The following DTHD1 variants were observed in gnomAD, a reference collection of about 807,000 sequenced individuals.
The protein encoded by DTHD1 is death domain containing 1.
A neutral mutation model predicts 74.8 loss-of-function variants in DTHD1; 59 were observed. The ratio of observed to expected loss-of-function variants is 0.79; its 90% CI spans 0.64 to 0.98. DTHD1 has a LOEUF of 0.98. Among genes scored for constraint, DTHD1 ranks in the 50% least tolerant of loss-of-function variants. The pLI, the probability that DTHD1 is intolerant of heterozygous loss-of-function variation, is 0.00. For missense variants in DTHD1, 1,051 were observed against 1,065.4 expected (o/e 0.99, Z 0.19); for synonymous variants, 365 against 371.1 (o/e 0.98, Z 0.19).
In DTHD1 at chr4:36,293,566, T is replaced by C. The variant is rs1438592173; in HGVS notation, c.1259T>C (p.Phe420Ser). Reference sequence around the variant, plus strand: ...GTAAAAGTTTACAAATTGGGTATCTTTTCTGTTGTGTCTTGTTTAAAGAAA... The same window carrying C: ...GTAAAAGTTTACAAATTGGGTATCTCTTCTGTTGTGTCTTGTTTAAAGAAA... ...ASVKVYKLGI[F>S]SVVSCLKKES... Residue 420 changes from phenylalanine to serine, a missense_variant, in exon 4 of 10, where the codon TTT (phenylalanine) becomes TCT (serine). By Grantham distance (155) the Phe-to-Ser change is radical. Coordinates refer to ENST00000639862, the MANE Select transcript of DTHD1 (RefSeq NM_001170700.3). 1 of 1,548,446 alleles carries C rather than the reference T, an allele frequency of 6.5e-7. No individual in the cohort carries two copies. Among genetic ancestry groups the C allele is most frequent in the Admixed American group, 2.0e-5 (1 of 50,830 alleles).
chr4:36,334,563 T>C (rs951425177), intron 8 of DTHD1, among the ~76,000 whole-genome samples: 3 of 152,094 alleles, frequency 2.0e-5, no homozygotes, highest in African/African-American at 7.2e-5. Flanking sequence ...TTTCACCATC[T>C]TGGCCAGGCT....
At chr4:36,323,329 T>C (rs1276246837) in intron 8 of DTHD1, among the ~76,000 whole-genome samples, 2 of 152,198 alleles carry the variant, frequency 1.3e-5, no homozygotes, top group Non-Finnish European at 2.9e-5. Flanking sequence ...GAATCGCCAC[T>C]TTCACCACTT....
At chr4:36,294,169 CTA>C (rs1756254092) in intron 4 of DTHD1, among the ~76,000 whole-genome samples, 1 of 151,934 alleles carries the variant, frequency 6.6e-6, no homozygotes, top group South Asian at 2.1e-4. Flanking sequence ...TACGCAAACA[CTA>C]TTTGCAAAGG....
At chr4:36,321,054 T>G (rs952739344) in intron 8 of DTHD1, among the ~76,000 whole-genome samples, 1 of 152,250 alleles carries the variant, frequency 6.6e-6, no homozygotes, top group African/African-American at 2.4e-5. Flanking sequence ...CTTGTGAGGA[T>G]CTCTGCGTCT....
rs1291149455 is a variant in DTHD1, at chr4:36,284,195, C to A, written c.491C>A (p.Thr164Lys). The A allele has an allele frequency of 1.2e-5, 19 of 1,537,030 alleles. No homozygotes were observed. In the East Asian group the frequency reaches 3.4e-4, roughly 28 times the overall value. The change falls in exon 2 of 10, where the codon ACA becomes AAA. Residue 164 changes from threonine (T) to lysine (K), a missense_variant. By Grantham distance (78) the Thr-to-Lys change is moderately conservative. Transcript: ENST00000639862. ...NVIETATVSPTNGEESHYTNQ... is the reference protein window; with the variant it reads ...NVIETATVSPKNGEESHYTNQ... ...ATAGAAACAGCTACTGTTTCTCCCA[C>A]AAATGGAGAGGAAAGTCATTACACA...
At chr4:36,296,841 TA>T (rs1359547966) in intron 5 of DTHD1, among the ~76,000 whole-genome samples, 1 of 151,958 alleles carries the variant, frequency 6.6e-6, no homozygotes, top group Non-Finnish European at 1.5e-5. Context: ...GCAGGGGGAT[TA>T]GGGGTGCCAA....
rs73117684 is a variant in DTHD1, at chr4:36,305,684, G to C, written c.1644-507G>C. ...GCCCATGGTCATACAGTTCATAAGA[G>C]GCAGAGTCACCCAGGCTTTGAAACT... On this transcript the variant is annotated intron_variant, in intron 5 of 9. Coordinates refer to ENST00000639862, the MANE Select transcript of DTHD1 (RefSeq NM_001170700.3). Among the ~76,000 whole-genome samples, 901 of 152,240 alleles carry C rather than the reference G, an allele frequency of 5.9e-3. 3 individuals are homozygous for C. The highest frequency in any genetic ancestry group is 0.021 in the African/African-American group (860 of 41,538).
At chr4:36,291,870 A>G (rs1451806490) in intron 3 of DTHD1, among the ~76,000 whole-genome samples, 1 of 152,170 alleles carries the variant, frequency 6.6e-6, no homozygotes, top group Non-Finnish European at 1.5e-5. Flanking sequence ...GTTTATGGAG[A>G]CTAATACTTA....
At chr4:36,290,334 C>A in intron 2 of DTHD1, 39 bp from the exon 3 acceptor site, 2 of 1,506,884 alleles carry the variant, frequency 1.3e-6, no homozygotes, top group South Asian at 1.3e-5. Context: ...GTACATAAAT[C>A]AAATAATTGG....
rs1481700565 is a variant in DTHD1, at chr4:36,346,665, A to G, written c.*2841A>G. Among the ~76,000 whole-genome samples, 2 of 151,922 alleles carry G rather than the reference A, an allele frequency of 1.3e-5. No individual in the cohort carries two copies. Among genetic ancestry groups the G allele is most frequent in the East Asian group, 3.9e-4 (2 of 5,148 alleles). ...TCTGGTGAGCCAACCTGTATGGACC[A>G]CATCAGAGATGCCTTGTTCGCTTTT... On this transcript the variant is annotated 3_prime_UTR_variant, in exon 10 of 10. Transcript: ENST00000639862.
intron 4 of DTHD1, among the ~76,000 whole-genome samples, chr4:36,294,042 GA>G (rs1214693743): frequency 6.6e-6 from 1 of 151,820 alleles, no homozygotes; most frequent in Non-Finnish European, 1.5e-5. Context: ...ATAATTCAAA[GA>G]TTTTGATCAG....
Position 36,344,097 on chromosome 4 carries a change from G to C in DTHD1, c.*273G>C, listed in dbSNP as rs543965222. On this transcript the variant is annotated 3_prime_UTR_variant, in exon 10 of 10. Transcript: ENST00000639862. ...CTTAATAGCATTTGCAATTGAGTTT[G>C]ACTTGTTCACATTTTAAAAGCTAAG... is the stretch of plus-strand genomic sequence containing the variant. 1 of 360,460 alleles carries C rather than the reference G, an allele frequency of 2.8e-6. No homozygotes were observed. The highest frequency in any genetic ancestry group is 5.2e-5 in the South Asian group (1 of 19,146). 22.3% of individuals were successfully genotyped at this position (360,460 alleles called of 1,614,324 possible).
At chr4:36,299,868 C>G (rs1756657230) in intron 5 of DTHD1, among the ~76,000 whole-genome samples, 2 of 151,996 alleles carry the variant, frequency 1.3e-5, no homozygotes, top group Non-Finnish European at 2.9e-5. Flanking sequence ...ATTTTCCCAG[C>G]TACTGGGGAG....
intron 2 of DTHD1, among the ~76,000 whole-genome samples, chr4:36,288,331 C>T (rs141520895): frequency 6.6e-6 from 1 of 152,200 alleles, no homozygotes; most frequent in Admixed American, 6.5e-5. Context: ...TTCTTGACCT[C>T]AGGTGATCCT....
At chr4:36,342,467 G>A (rs1176988495) in intron 9 of DTHD1, among the ~76,000 whole-genome samples, 1 of 152,146 alleles carries the variant, frequency 6.6e-6, no homozygotes, top group Non-Finnish European at 1.5e-5. Flanking sequence ...GGGCTGGAAT[G>A]TGAAAGGAGA....
intron 5 of DTHD1, among the ~76,000 whole-genome samples, chr4:36,300,604 A>G (rs947070156): frequency 2.0e-5 from 3 of 150,716 alleles, no homozygotes; most frequent in Admixed American, 1.3e-4. Context: ...CCAAAAGCAC[A>G]TTTATCAAGA....
intron 8 of DTHD1, among the ~76,000 whole-genome samples, chr4:36,338,671 A>G (rs1158970018): frequency 6.6e-6 from 1 of 152,070 alleles, no homozygotes; most frequent in Non-Finnish European, 1.5e-5. Context: ...TTTTCGAATA[A>G]TATCTGCACT....
chr4:36,308,499 T>C lies in DTHD1; in HGVS notation c.2095+6T>C. ...TGGAAACATATTTGCTTCAAGTAAGTATAAAGAAATCTTTTTATATATTTT... is the reference window on the plus strand; with the variant it reads ...TGGAAACATATTTGCTTCAAGTAAGCATAAAGAAATCTTTTTATATATTTT... On this transcript the variant is annotated splice_donor_region_variant and intron_variant, in intron 7 of 9. Transcript: ENST00000639862. The C allele has an allele frequency of 1.3e-6, 2 of 1,538,240 alleles. No homozygotes were observed. The highest frequency in any genetic ancestry group is 4.9e-5 in the East Asian group (2 of 40,746).
chr4:36,290,436 A>G lies in DTHD1; in HGVS notation c.951A>G (p.Ser317=), dbSNP rs1305647517. ...PQVSCYITAP[S]YVLQQLECRI... is the part of the protein sequence containing the mutation. ...TGTCTTGTTATATTACAGCACCATC[A>G]TATGTTCTACAACAACTAGAATGCC... Residue 317 remains serine, a synonymous_variant, in exon 3 of 10, where the codon TCA becomes TCG. Coordinates refer to ENST00000639862, the MANE Select transcript of DTHD1 (RefSeq NM_001170700.3). The G allele has an allele frequency of 1.4e-5, 21 of 1,551,978 alleles. No individual in the cohort carries two copies. Among genetic ancestry groups the G allele is most frequent in the South Asian group, 1.3e-4 (11 of 84,058 alleles).
Sources: gnomAD v4.1 joint callset for allele counts (sites outside exome capture counted in the v4.1 genomes callset) on GRCh38, gnomAD v4.1.1 for gene constraint, MANE v1.5 for transcripts, NCBI Gene and HGNC (gene_info 2026-07-23, HGNC 2026-07-21) for gene names.